TADA1: variants seen among roughly 807,000 people sequenced by gnomAD.
TADA1 encodes transcriptional adaptor 1.
In TADA1, 23 loss-of-function variants were observed where a neutral mutation model predicts 39.3. That is an observed-to-expected ratio of 0.58 (90% CI 0.42 to 0.83). The LOEUF (loss-of-function observed/expected upper bound fraction) is 0.83. Among genes scored for constraint, TADA1 ranks in the 40% least tolerant of loss-of-function variants. TADA1 has a pLI of 0.00. For synonymous variants in TADA1, 137 were observed against 151.8 expected (o/e 0.90, Z 0.72); for missense variants, 352 against 408.1 (o/e 0.86, Z 1.18).
chr1:166,869,115 A>G (rs995647404), intron 3 of TADA1: 2 of 341,936 alleles, frequency 5.8e-6, no homozygotes, highest in Admixed American at 3.5e-5. Context: ...TGCATAGCTC[A>G]TTTGTGAACA....
intron 1 of TADA1, among the ~76,000 whole-genome samples, chr1:166,873,020 G>GC (rs1346258589): frequency 6.6e-6 from 1 of 152,126 alleles, no homozygotes; most frequent in African/African-American, 2.4e-5. Flanking sequence ...TGTAAGCCTG[G>GC]CATTTTGGGA....
intron 3 of TADA1, among the ~76,000 whole-genome samples, chr1:166,865,475 TA>T (rs59460033): frequency 0.047 from 6,534 of 139,122 alleles, 392 homozygotes; most frequent in African/African-American, 0.15. Context: ...TGTTTAATGT[TA>T]AAAAAAAAAA....
At chr1:166,870,100 G>A (rs554082008) in intron 1 of TADA1, among the ~76,000 whole-genome samples, 6 of 152,186 alleles carry the variant, frequency 3.9e-5, no homozygotes, top group East Asian at 1.9e-4. Flanking sequence ...CTCCAACTCC[G>A]AGGAAAGGAA....
At chr1:166,870,046 C>T (rs745608568) in intron 1 of TADA1, among the ~76,000 whole-genome samples, 192 bp from the exon 2 acceptor site, 7 of 152,096 alleles carry the variant, frequency 4.6e-5, no homozygotes, top group Non-Finnish European at 8.8e-5. Context: ...GCTGGGACTA[C>T]AGCATGAACA....
At chr1:166,869,085 G>T in intron 3 of TADA1, 1 of 285,036 alleles carries the variant, frequency 3.5e-6, no homozygotes. Flanking sequence ...AAAGTTTGGT[G>T]TCAAAAATGG....
Position 166,865,675 on chromosome 1 carries a change from CGGGCGTGGTGGT to C in TADA1, c.233-1766_233-1755del, listed in dbSNP as rs1658514349. Among the ~76,000 whole-genome samples, 6 of 151,808 alleles carry C rather than the reference CGGGCGTGGTGGT, an allele frequency of 4.0e-5. No individual in the cohort carries two copies. The South Asian group carries it at 1.3e-3, about 32-fold the overall frequency. On this transcript the variant is annotated intron_variant, in intron 3 of 7. Coordinates refer to ENST00000367874, the MANE Select transcript of TADA1 (RefSeq NM_053053.4). The stretch of plus-strand genomic sequence containing the variant: ...AAAAATACAAAAAAAAAATATTAGC[CGGGCGTGGTGGT>C]GGGCACCTGTAGTCCCAGCTACTCG...
intron 3 of TADA1, among the ~76,000 whole-genome samples, chr1:166,864,287 A>G (rs1571239268): frequency 6.6e-6 from 1 of 152,246 alleles, no homozygotes; most frequent in East Asian, 1.9e-4. Context: ...GCTACAAAAT[A>G]TGAAAGTAAG....
rs1658301228 is a variant in TADA1, at chr1:166,857,421, C to G, written c.*146G>C. The stretch of plus-strand genomic sequence containing the variant: ...ATTTATATTAATGGCTTCACAACAG[C>G]AACACAAAATGTACTCAATGTCACA... On this transcript the variant is annotated 3_prime_UTR_variant, in exon 8 of 8. Transcript: ENST00000367874. The G allele has an allele frequency of 1.1e-6, 1 of 907,308 alleles. No individual in the cohort carries two copies. Among genetic ancestry groups the G allele is most frequent in the Non-Finnish European group, 1.6e-6 (1 of 606,468 alleles). The allele number at this position is 907,308 out of a possible 1,614,324, so 56.2% of individuals were successfully genotyped here.
chr1:166,860,502 C>T (rs1489501326), intron 5 of TADA1, among the ~76,000 whole-genome samples, 165 bp from the exon 6 acceptor site: 1 of 152,134 alleles, frequency 6.6e-6, no homozygotes, highest in Admixed American at 6.5e-5. Flanking sequence ...CGGAGCCACA[C>T]CAAAGGAGTA....
intron 4 of TADA1, 54 bp from the exon 5 acceptor site, chr1:166,862,466 C>T: frequency 7.0e-7 from 1 of 1,432,146 alleles, no homozygotes; most frequent in Non-Finnish European, 9.8e-7. Context: ...AAACAAGACA[C>T]AAAGTAAACT....
intron 1 of TADA1, among the ~76,000 whole-genome samples, chr1:166,875,126 G>A (rs1236365921): frequency 6.6e-6 from 1 of 152,208 alleles, no homozygotes; most frequent in Admixed American, 6.5e-5. Flanking sequence ...ATGCAAATGT[G>A]TAGAATACCA....
chr1:166,862,149 C>A, intron 5 of TADA1, 54 bp downstream of exon 5: 1 of 1,546,876 alleles, frequency 6.5e-7, no homozygotes, highest in Non-Finnish European at 8.9e-7. Flanking sequence ...TTAAACAACA[C>A]ACAAGCCTAT....
At chr1:166,858,352 T>A (rs1658331995) in intron 6 of TADA1, 71 bp from the exon 7 acceptor site, 2 of 1,193,814 alleles carry the variant, frequency 1.7e-6, no homozygotes, top group South Asian at 3.7e-5. Context: ...AGTGGCCTGC[T>A]AGAATCTTAT....
Position 166,858,199 on chromosome 1 carries a change from G to A in TADA1, c.775C>T (p.Leu259Phe), listed in dbSNP as rs774541563. Residue 259 changes from leucine to phenylalanine, a missense_variant, in exon 7 of 8, where the codon CTC (leucine) becomes TTC (phenylalanine). By Grantham distance (22) the Leu-to-Phe change is conservative (BLOSUM62 0). Coordinates refer to ENST00000367874, the MANE Select transcript of TADA1 (RefSeq NM_053053.4). ...GTGTCTCCGGAGCATGCCAGCAGGAGTGCAGCCTGCTGCTCAGCATCATCA... is the reference window on the plus strand; with the variant it reads ...GTGTCTCCGGAGCATGCCAGCAGGAATGCAGCCTGCTGCTCAGCATCATCA... The part of the protein sequence containing the change: ...PPDDAEQQAA[L>F]LLACSGDTLP... The A allele has an allele frequency of 2.0e-5, 33 of 1,613,450 alleles. No homozygotes were observed. The Admixed American group carries it at 2.5e-4, about 12-fold the overall frequency.
intron 3 of TADA1, among the ~76,000 whole-genome samples, chr1:166,867,589 T>A (rs1474181441): frequency 1.3e-5 from 2 of 149,440 alleles, no homozygotes; most frequent in African/African-American, 2.5e-5. Flanking sequence ...ATGTGAATTT[T>A]TTTTTTTTTT....
intron 3 of TADA1, among the ~76,000 whole-genome samples, chr1:166,864,600 C>T (rs978606632): frequency 6.6e-6 from 1 of 152,114 alleles, no homozygotes; most frequent in Non-Finnish European, 1.5e-5. Flanking sequence ...CACACAAACC[C>T]ATTCACTCAC....
chr1:166,865,786 T>C lies in TADA1; in HGVS notation c.233-1865A>G, dbSNP rs186945557. On this transcript the variant is annotated intron_variant, in intron 3 of 7. Coordinates refer to ENST00000367874, the MANE Select transcript of TADA1 (RefSeq NM_053053.4). ...GTGAGCCGAGAAAGCACCACTGCAC[T>C]CCAGCATGGGCGACAGAGTGAGACT... 1.9e-3 allele frequency among the ~76,000 whole-genome samples: 282 copies of C among 151,072 alleles called. 2 individuals carry two copies. Among genetic ancestry groups the C allele is most frequent in the Admixed American group, 4.5e-3 (68 of 15,168 alleles).
intron 1 of TADA1, among the ~76,000 whole-genome samples, chr1:166,873,534 C>T (rs553417242): frequency 4.6e-5 from 7 of 152,090 alleles, no homozygotes; most frequent in Admixed American, 6.6e-5. Flanking sequence ...GAGGACCACA[C>T]TTAAATAGGT....
chr1:166,862,935 G>T (rs1050935834), intron 4 of TADA1: 5 of 158,388 alleles, frequency 3.2e-5, no homozygotes, highest in African/African-American at 1.2e-4. Flanking sequence ...CAGAACCTAA[G>T]ATACAGTCAT....
Sources: allele counts gnomAD v4.1 joint callset (sites outside exome capture counted in the v4.1 genomes callset), GRCh38; gene constraint gnomAD v4.1.1; transcripts MANE v1.5; gene names NCBI Gene and HGNC (gene_info 2026-07-23, HGNC 2026-07-21).